Variants in IGF2BP2 observed in about 807,000 individuals in gnomAD.
IGF2BP2 encodes insulin like growth factor 2 mRNA binding protein 2.
IGF2BP2 carries 17 observed loss-of-function variants against 75.8 expected under a neutral mutation model. The observed-to-expected ratio is 0.22, with a 90% CI of 0.15 to 0.34. The LOEUF (loss-of-function observed/expected upper bound fraction) is 0.34. IGF2BP2 is among the 10% of genes least tolerant of loss of function. The pLI, the probability that IGF2BP2 is intolerant of heterozygous loss-of-function variation, is 1.00. For missense variants in IGF2BP2, 516 were observed against 772.4 expected (o/e 0.67, Z 3.93); for synonymous variants, 288 against 295.6 (o/e 0.97, Z 0.26).
intron 2 of IGF2BP2, among the ~76,000 whole-genome samples, chr3:185,775,063 T>C (rs1017167414): frequency 3.3e-5 from 5 of 151,724 alleles, no homozygotes; most frequent in Admixed American, 3.3e-4. Flanking sequence ...AGATTTTGGC[T>C]CCAACACTTG....
rs79598609 is a variant in IGF2BP2, at chr3:185,676,120, C to T, written c.813-207G>A. Reference sequence around the variant, plus strand: ...CCAAACCATGGTAATTCTACTCCCTCGTAGTAGCTGGTTGGAAGTGGATCC... The same window carrying T: ...CCAAACCATGGTAATTCTACTCCCTTGTAGTAGCTGGTTGGAAGTGGATCC... On this transcript the variant is annotated intron_variant, in intron 7 of 15. Coordinates refer to ENST00000382199, the MANE Select transcript of IGF2BP2 (RefSeq NM_006548.6). Among the ~76,000 whole-genome samples the T allele has an allele frequency of 3.5e-4, 53 of 152,236 alleles. No individual in the cohort carries two copies. In the East Asian group the frequency reaches 8.7e-3, roughly 25 times the overall value.
In IGF2BP2 at chr3:185,645,942, C is replaced by T. The variant is rs567987175; in HGVS notation, c.1708-319G>A. Among the ~76,000 whole-genome samples the T allele has an allele frequency of 7.4e-4, 112 of 152,222 alleles. 1 individual carries two copies. The highest frequency in any genetic ancestry group is 2.7e-3 in the African/African-American group (112 of 41,544). On this transcript the variant is annotated intron_variant, in intron 15 of 15. Coordinates refer to ENST00000382199, the MANE Select transcript of IGF2BP2 (RefSeq NM_006548.6). The surrounding 1 kb of genome is among the most constrained non-coding windows in gnomAD (Gnocchi z 4.9). ...GGGGGCCGTGCAGAGTCAGATGCTA[C>T]ACTTGGGCTCCCGTGCTGCTCCCGC... is the stretch of plus-strand genomic sequence containing the variant.
chr3:185,693,382 G>A (rs1399334662), intron 4 of IGF2BP2, among the ~76,000 whole-genome samples: 3 of 152,030 alleles, frequency 2.0e-5, no homozygotes, highest in Non-Finnish European at 4.4e-5. Context: ...TAAATAATTG[G>A]ATATACATAT....
intron 6 of IGF2BP2, among the ~76,000 whole-genome samples, chr3:185,687,616 A>G (rs1354708205): frequency 6.6e-6 from 1 of 152,226 alleles, no homozygotes; most frequent in Non-Finnish European, 1.5e-5. Context: ...AAATCCGAAC[A>G]CCAAATTCAA....
chr3:185,671,186 GT>G (rs1718445788), intron 10 of IGF2BP2, among the ~76,000 whole-genome samples: 1 of 152,210 alleles, frequency 6.6e-6, no homozygotes, highest in East Asian at 1.9e-4. Flanking sequence ...ACAAGGCTCA[GT>G]GTCAGTCCCC....
At position 185,765,664 on chromosome 3, in the gene IGF2BP2, G is replaced by A. The variant is rs372187421; in HGVS notation, c.239+57489C>T. On this transcript the variant is annotated intron_variant, in intron 2 of 15. Coordinates refer to ENST00000382199, the MANE Select transcript of IGF2BP2 (RefSeq NM_006548.6). ...AGAAGTGCTCGAGGACCAAGGGAGT[G>A]TAGACCAGGCTGCTCCAAAGCACAC... 3.3e-5 allele frequency among the ~76,000 whole-genome samples: 5 copies of A among 152,218 alleles called. No homozygotes were observed. The East Asian group carries it at 9.6e-4, about 29-fold the overall frequency.
chr3:185,737,074 T>C (rs1307328803), intron 2 of IGF2BP2, among the ~76,000 whole-genome samples: 2 of 152,258 alleles, frequency 1.3e-5, no homozygotes, highest in Admixed American at 6.5e-5. Context: ...TTTGTATTTC[T>C]TTTTATATAC....
chr3:185,657,361 C>T lies in IGF2BP2; in HGVS notation c.1311G>A (p.Gln437=), dbSNP rs1373876124. 2 of 1,613,976 alleles carry T rather than the reference C, an allele frequency of 1.2e-6. No individual in the cohort carries two copies. Among genetic ancestry groups the T allele is most frequent in the Non-Finnish European group, 1.7e-6 (2 of 1,179,910 alleles). Reference sequence around the variant, plus strand: ...TCTTCCCGATGATGGCGCCCACAGCCTGGGTTGGGATGAAGAGATTCACAA... The same window carrying T: ...TCTTCCCGATGATGGCGCCCACAGCTTGGGTTGGGATGAAGAGATTCACAA... ...QEIVNLFIPT[Q]AVGAIIGKKG... The change falls in exon 12 of 16, where the codon CAG becomes CAA. Residue 437 remains glutamine (Q), a synonymous_variant. Transcript: ENST00000382199.
chr3:185,694,543 C>A (rs1722337457), intron 4 of IGF2BP2, among the ~76,000 whole-genome samples: 1 of 152,130 alleles, frequency 6.6e-6, no homozygotes, highest in Non-Finnish European at 1.5e-5. Context: ...TATTTTCCTG[C>A]TGAATCAGGA....
At chr3:185,698,866 G>C (rs533277878) in intron 2 of IGF2BP2, among the ~76,000 whole-genome samples, 3 of 151,812 alleles carry the variant, frequency 2.0e-5, no homozygotes, top group South Asian at 4.2e-4. Flanking sequence ...CCAGGCTGGA[G>C]TGCAGTGGTG....
At position 185,823,136 on chromosome 3, in the gene IGF2BP2, A is replaced by T; in HGVS notation, c.239+17T>A. On this transcript the variant is annotated intron_variant, in intron 2 of 15. Transcript: ENST00000382199. ...TAAGGCCAATCGCAAAAAAAAAACT[A>T]AGCAAAGTATATTTACCTTAGCTTT... 1 of 1,564,212 alleles carries T rather than the reference A, an allele frequency of 6.4e-7. No individual in the cohort carries two copies. Among genetic ancestry groups the T allele is most frequent in the Admixed American group, 1.9e-5 (1 of 51,512 alleles).
At chr3:185,815,264 A>G (rs1456520130) in intron 2 of IGF2BP2, among the ~76,000 whole-genome samples, 1 of 152,244 alleles carries the variant, frequency 6.6e-6, no homozygotes, top group Non-Finnish European at 1.5e-5. Flanking sequence ...ATATTAAATT[A>G]AAAATATACT....
chr3:185,800,735 A>AAAGAAAGAAAGAAAGG (rs1738122616), intron 2 of IGF2BP2, among the ~76,000 whole-genome samples: 1 of 152,104 alleles, frequency 6.6e-6, no homozygotes, highest in East Asian at 1.9e-4. Context: ...AGAAAGAAAG[A>AAAGAAAGAAAGAAAGG]AAGAAAGTAC....
At chr3:185,675,541 C>A (rs1719201028) in intron 8 of IGF2BP2, 110 bp from the exon 9 acceptor site, 5 of 1,276,076 alleles carry the variant, frequency 3.9e-6, no homozygotes, top group Non-Finnish European at 4.4e-6. Context: ...AGACTCAATT[C>A]CCTCCCAACA....
chr3:185,769,501 G>A (rs1733575651), intron 2 of IGF2BP2, among the ~76,000 whole-genome samples: 1 of 152,038 alleles, frequency 6.6e-6, no homozygotes, highest in African/African-American at 2.4e-5. Flanking sequence ...TCTTCAATTT[G>A]CTCTCAAGTG....
intron 7 of IGF2BP2, among the ~76,000 whole-genome samples, chr3:185,677,068 T>TATATATATATATATATAGAGAGAGAGAG: frequency 4.7e-4 from 17 of 35,850 alleles, no homozygotes; most frequent in Non-Finnish European, 6.5e-4. Flanking sequence ...TATATATATA[T>TATATATATATATATATAGAGAGAGAGAG]AGAGAGAGAG....
intron 2 of IGF2BP2, among the ~76,000 whole-genome samples, chr3:185,702,312 G>C (rs1723413593): frequency 6.6e-6 from 1 of 152,062 alleles, no homozygotes; most frequent in Non-Finnish European, 1.5e-5. Context: ...TTGCCAGGAA[G>C]TCAACAGGAG....
chr3:185,665,409 A>AAAGGAGGAGAAGGAG (rs1717282453), intron 10 of IGF2BP2, among the ~76,000 whole-genome samples: 1 of 24,844 alleles, frequency 4.0e-5, no homozygotes, highest in South Asian at 1.8e-3. Flanking sequence ...AGGAGAAGGA[A>AAAGGAGGAGAAGGAG]AAGGAGGAGA....
intron 2 of IGF2BP2, among the ~76,000 whole-genome samples, chr3:185,712,942 C>T (rs79322182): frequency 0.02 from 2,984 of 152,236 alleles, 91 homozygotes; most frequent in African/African-American, 0.068. Flanking sequence ...AAGCTTTACG[C>T]TTACACTTTC....
Sources: allele counts gnomAD v4.1 joint callset (sites outside exome capture counted in the v4.1 genomes callset), GRCh38; gene constraint gnomAD v4.1.1; non-coding constraint Gnocchi (gnomAD v3.1); transcripts MANE v1.5; gene names NCBI Gene and HGNC (gene_info 2026-07-23, HGNC 2026-07-21).